Variants in RUBCN observed in about 807,000 individuals in gnomAD.
RUBCN encodes rubicon autophagy regulator.
A neutral mutation model predicts 113.2 loss-of-function variants in RUBCN; 74 were observed. The observed-to-expected ratio is 0.65, with a 90% confidence interval of 0.54 to 0.79. RUBCN has a LOEUF of 0.79. RUBCN is among the 30% of genes least tolerant of loss of function. The pLI is 0.00. For synonymous variants in RUBCN, 480 were observed against 490.0 expected, an observed-to-expected ratio of 0.98 and a Z score of 0.27; for missense variants, 1,109 against 1,251.7, an observed-to-expected ratio of 0.89 and a Z score of 1.72.
Position 197,681,768 on chromosome 3 carries a change from T to C in RUBCN, c.2191+67A>G. 1 of 1,393,948 alleles carries C rather than the reference T, an allele frequency of 7.2e-7. No individual in the cohort carries two copies. Among genetic ancestry groups the C allele is most frequent in the Non-Finnish European group, 1.0e-6 (1 of 979,410 alleles). 86.3% of individuals were successfully genotyped at this position (1,393,948 alleles called of 1,614,324 possible). A position where few individuals can be genotyped will look rare whatever the true frequency, so the allele number is the denominator to read the frequency against. On this transcript the variant is annotated intron_variant, in intron 15 of 19. Transcript: ENST00000296343. The surrounding 1 kb of genome is among the most constrained non-coding windows in gnomAD (Gnocchi z 5.5). ...CTGCTACCGCCTTTGACACGCCACC[T>C]CTCCCTACGTGTCGGGGAGGGTACA...
intron 1 of RUBCN, among the ~76,000 whole-genome samples, chr3:197,746,174 T>A (rs1052571422): frequency 6.6e-5 from 10 of 152,168 alleles, no homozygotes; most frequent in African/African-American, 2.4e-4. Flanking sequence ...TATGACTAAG[T>A]ATAAAGTTTA....
chr3:197,725,007 C>T (rs1455542154), intron 1 of RUBCN, among the ~76,000 whole-genome samples: 4 of 152,008 alleles, frequency 2.6e-5, no homozygotes, highest in African/African-American at 4.8e-5. Flanking sequence ...TGCAAAATCT[C>T]GTCTCTACAA....
In RUBCN at chr3:197,718,086, T is replaced by C; in HGVS notation, c.110A>G (p.Glu37Gly). 1.2e-6 allele frequency: 2 copies of C among 1,614,162 alleles called. No individual in the cohort carries two copies. The highest frequency in any genetic ancestry group is 1.7e-6 in the Non-Finnish European group (2 of 1,180,032). The change falls in exon 2 of 20, where the codon GAG becomes GGG. Residue 37 changes from glutamate to glycine, a missense_variant. By Grantham distance (98) the Glu-to-Gly change is moderately conservative (BLOSUM62 -2). Around this residue, in one of 3 missense-constraint regions of RUBCN, gnomAD observed 736 missense variants for 779.6 expected, o/e 0.94. Transcript: ENST00000296343. ...QLLGNLKTTV[E>G]GLVSTNSPNV... The stretch of plus-strand genomic sequence containing the variant: ...GGGGCTGTTGGTTGATACCAAACCC[T>C]CCACCGTCGTCTTCAAATTACCCAG...
At chr3:197,729,719 G>C (rs1305315144) in intron 1 of RUBCN, among the ~76,000 whole-genome samples, 1 of 152,004 alleles carries the variant, frequency 6.6e-6, no homozygotes, top group Non-Finnish European at 1.5e-5. Flanking sequence ...AACCACATCT[G>C]GCTAATTTTT....
chr3:197,725,520 CTTTTTT>C lies in RUBCN; in HGVS notation c.66-7396_66-7391del, dbSNP rs10718685. Among the ~76,000 whole-genome samples the C allele has an allele frequency of 2.0e-3, 154 of 75,346 alleles. 1 individual carries two copies. The highest frequency in any genetic ancestry group is 2.2e-3 in the Non-Finnish European group (90 of 40,880). The allele number at this position is 75,346 out of a possible 152,430, so 49.4% of individuals were successfully genotyped here. ...TACATTTCATGGCTGACAGGAGAAT[CTTTTTT>C]TTTTTTTTTTTTTTTTTGTAGAGAC... On this transcript the variant is annotated intron_variant, in intron 1 of 19. Transcript: ENST00000296343.
chr3:197,745,738 A>G (rs1487123134), intron 1 of RUBCN, among the ~76,000 whole-genome samples: 1 of 152,056 alleles, frequency 6.6e-6, no homozygotes, highest in Non-Finnish European at 1.5e-5. Flanking sequence ...AAGTGTTAAC[A>G]GAAAACTATG....
exon 1 of RUBCN, chr3:197,749,416 T>C: frequency 8.2e-7 from 1 of 1,217,436 alleles, no homozygotes; most frequent in Non-Finnish European, 1.1e-6. Context: ...CTGCAGCGTT[T>C]GCTTTGCGTT....
rs774421496 is a variant in RUBCN at position 197,682,580 on chromosome 3, C to T, written c.2016G>A (p.Pro672=). ...AGATGTCAGCGTGCTGCCCGTCATC[C>T]GGTGAGATGGGCAGTGAGTCAGGAA... The part of the protein sequence containing the change: ...LPIPDSLPIS[P]DDGQHADIYK... Residue 672 remains proline (P), a synonymous_variant, in exon 14 of 20, where the codon CCG becomes CCA. Coordinates refer to ENST00000296343, the MANE Select transcript of RUBCN (RefSeq NM_014687.4). 1.5e-5 allele frequency: 25 copies of T among 1,613,704 alleles called. No individual in the cohort carries two copies. Among genetic ancestry groups the T allele is most frequent in the African/African-American group, 4.0e-5 (3 of 74,752 alleles).
chr3:197,745,139 G>A (rs1177204891), intron 1 of RUBCN, among the ~76,000 whole-genome samples: 1 of 151,736 alleles, frequency 6.6e-6, no homozygotes, highest in Non-Finnish European at 1.5e-5. Context: ...ATAAAATTTA[G>A]CCAGGCGTGG....
chr3:197,695,016 A>T (rs2108886295), intron 9 of RUBCN, among the ~76,000 whole-genome samples: 1 of 152,390 alleles, frequency 6.6e-6, no homozygotes, highest in Non-Finnish European at 1.5e-5. Flanking sequence ...GTATTTACCT[A>T]AGGTGCCAGA....
rs764744083 is a variant in RUBCN at position 197,671,488 on chromosome 3, G to C, written c.*3530C>G. ...AGGGAGTAGGAATGAGACGATGCGT[G>C]ATGAGCTCAGTGTGCCACTTACAGA... On this transcript the variant is annotated 3_prime_UTR_variant, in exon 20 of 20. Transcript: ENST00000296343. The C allele has an allele frequency of 2.6e-5, 4 of 152,348 alleles. No individual in the cohort carries two copies. Among genetic ancestry groups the C allele is most frequent in the Admixed American group, 2.0e-4 (3 of 15,306 alleles). The allele number at this position is 152,348 out of a possible 1,614,324, so 9.4% of individuals were successfully genotyped here. A position where few individuals can be genotyped will look rare whatever the true frequency, so the allele number is the denominator to read the frequency against.
At chr3:197,721,856 G>C (rs1726205252) in intron 1 of RUBCN, among the ~76,000 whole-genome samples, 1 of 152,078 alleles carries the variant, frequency 6.6e-6, no homozygotes, top group Non-Finnish European at 1.5e-5. Flanking sequence ...GGTTGTTCAG[G>C]AGCATGTTGT....
chr3:197,707,264 A>C (rs9857384), intron 2 of RUBCN, among the ~76,000 whole-genome samples: 1 of 151,910 alleles, frequency 6.6e-6, no homozygotes, highest in Non-Finnish European at 1.5e-5. Flanking sequence ...CCCGGGAGGC[A>C]GAGCTTGCAA....
chr3:197,741,159 T>C (rs1295747219), upstream of RUBCN, among the ~76,000 whole-genome samples: 1 of 152,226 alleles, frequency 6.6e-6, no homozygotes, highest in African/African-American at 2.4e-5. Context: ...GATCTTAGTA[T>C]GGTTTTGTTT....
Position 197,749,057 on chromosome 3 carries a change from C to T in RUBCN, c.-116+212G>A, listed in dbSNP as rs141998917. Among the ~76,000 whole-genome samples the T allele has an allele frequency of 2.2e-3, 333 of 152,234 alleles. 2 individuals are homozygous for T. Among genetic ancestry groups the T allele is most frequent in the Middle Eastern group, 3.4e-3 (1 of 294 alleles). On this transcript the variant is annotated intron_variant, in intron 1 of 20. Coordinates refer to the RUBCN transcript ENST00000273582. ...GAGGGTGATATAACCTAAACGCTTC[C>T]ACATAAACGCAGTTACTTCAGGGAA...
intron 2 of RUBCN, among the ~76,000 whole-genome samples, chr3:197,708,418 A>G (rs35257251): frequency 0.23 from 35,265 of 151,928 alleles, 7,677 homozygotes; most frequent in African/African-American, 0.58. Flanking sequence ...TTACAGGCGT[A>G]AGCCACCACA....
Position 197,675,158 on chromosome 3 carries a change from C to T in RUBCN, c.2779G>A (p.Gly927Arg). 6.2e-7 allele frequency: 1 copy of T among 1,614,100 alleles called. No individual in the cohort carries two copies. The highest frequency in any genetic ancestry group is 8.5e-7 in the Non-Finnish European group (1 of 1,180,030). ...ACYHKACFKS[G>R]SCPRCERLQA... The stretch of plus-strand genomic sequence containing the variant: ...AGCCGCTCGCAGCGCGGACAGCTTC[C>T]AGACTTGAAGCAGGCTTTATGGTAA... The change falls in exon 20 of 20, where the codon GGA becomes AGA. Residue 927 changes from glycine to arginine, a missense_variant. Transcript: ENST00000296343. The surrounding 1 kb of genome is among the most constrained non-coding windows in gnomAD (Gnocchi z 4.4).
chr3:197,735,780 G>A (rs1023975525), intron 1 of RUBCN, among the ~76,000 whole-genome samples: 6 of 151,858 alleles, frequency 4.0e-5, no homozygotes, highest in African/African-American at 7.3e-5. Context: ...TTGTAGAGAC[G>A]GGGATCTCCC....
intron 1 of RUBCN, among the ~76,000 whole-genome samples, chr3:197,732,337 C>G (rs113896094): frequency 6.6e-6 from 1 of 152,210 alleles, no homozygotes; most frequent in East Asian, 1.9e-4. Flanking sequence ...ATTTTTGAGA[C>G]GAGTCTCACT....
Sources: gnomAD v4.1 joint callset for allele counts (sites outside exome capture counted in the v4.1 genomes callset) on GRCh38, gnomAD v4.1.1 for gene constraint, gnomAD v4.1.1 regional missense constraint, Gnocchi (gnomAD v3.1) non-coding constraint, MANE v1.5 for transcripts, NCBI Gene and HGNC (gene_info 2026-07-23, HGNC 2026-07-21) for gene names.